The following ODAD4 variants were observed in gnomAD, a reference collection of about 807,000 sequenced individuals.
ODAD4 encodes outer dynein arm docking complex subunit 4, also known as outer dynein arm-docking complex subunit 4.
Under a neutral mutation model 51.8 loss-of-function variants are expected in ODAD4, and 49 were observed. The ratio of observed to expected loss-of-function variants is 0.95; its 90% CI spans 0.75 to 1.20. The LOEUF is 1.20. ODAD4 is among the 50% of genes most tolerant of loss of function. The pLI, the probability that ODAD4 is intolerant of heterozygous loss-of-function variation, is 0.00. For missense variants in ODAD4, 590 were observed against 586.5 expected, an observed-to-expected ratio of 1.01 and a Z score of -0.06; for synonymous variants, 235 against 221.3, an observed-to-expected ratio of 1.06 and a Z score of -0.55.
chr17:41,951,978 G>A (rs77107452), intron 9 of ODAD4, among the ~76,000 whole-genome samples: 14 of 151,618 alleles, frequency 9.2e-5, no homozygotes, highest in South Asian at 4.2e-4. Flanking sequence ...TGGGAGGATC[G>A]GTTGAGCCCA....
At chr17:41,938,025 A>G (rs1280216085) in intron 5 of ODAD4, among the ~76,000 whole-genome samples, 1 of 152,206 alleles carries the variant, frequency 6.6e-6, no homozygotes, top group African/African-American at 2.4e-5. Flanking sequence ...AATGCCTCCT[A>G]TTCTCCAGAG....
At chr17:41,935,786 G>T (rs2050418050) in intron 3 of ODAD4, 37 bp downstream of exon 3, 1 of 1,610,824 alleles carries the variant, frequency 6.2e-7, no homozygotes, top group Non-Finnish European at 8.5e-7. Context: ...TATCCAGGAA[G>T]GTCCTTGGAA....
chr17:41,942,805 G>A (rs981474811), intron 7 of ODAD4, among the ~76,000 whole-genome samples: 1 of 152,190 alleles, frequency 6.6e-6, no homozygotes, highest in African/African-American at 2.4e-5. Flanking sequence ...GCCATGCCTC[G>A]AAACCGGTTC....
intron 8 of ODAD4, among the ~76,000 whole-genome samples, chr17:41,947,825 A>C (rs1211216755): frequency 2.0e-5 from 3 of 150,534 alleles, no homozygotes; most frequent in African/African-American, 7.3e-5. Context: ...ATAAAATAAA[A>C]TAAAAATAAA....
At chr17:41,931,629 C>T (rs537730240) in intron 1 of ODAD4, among the ~76,000 whole-genome samples, 30 of 152,238 alleles carry the variant, frequency 2.0e-4, no homozygotes, top group Non-Finnish European at 4.0e-4. Flanking sequence ...CAACTTCCGC[C>T]TCCCCAGGTT....
rs781816015 is a variant in ODAD4 at position 41,935,353 on chromosome 17, C to A, written c.246+5C>A. On this transcript the variant is annotated splice_donor_5th_base_variant and intron_variant, in intron 2 of 11. Coordinates refer to ENST00000377540, the MANE Select transcript of ODAD4 (RefSeq NM_031421.5). ...AGTGACCCAGCTTTCTGTAAGGTGA[C>A]TGCATGGGCGGGAGGACTGGATCCT... 6.2e-7 allele frequency: 1 copy of A among 1,613,452 alleles called. No individual in the cohort carries two copies. The highest frequency in any genetic ancestry group is 1.1e-5 in the South Asian group (1 of 91,008).
rs782578262 is a variant in ODAD4 at position 41,965,490 on chromosome 17, C to T, written c.*7C>T. The T allele has an allele frequency of 5.2e-5, 40 of 762,122 alleles. No homozygotes were observed. Among genetic ancestry groups the T allele is most frequent in the African/African-American group, 1.7e-5 (1 of 57,860 alleles). The allele number at this position is 762,122 out of a possible 1,614,324, so 47.2% of individuals were successfully genotyped here. ...GGAAAAGGAATATGAATGAAGCCAT[C>T]GGTAGAGATGAGGATCAGGAAGCTG... On this transcript the variant is annotated 3_prime_UTR_variant, in exon 12 of 12. Coordinates refer to ENST00000377540, the MANE Select transcript of ODAD4 (RefSeq NM_031421.5).
At chr17:41,935,487 C>T (rs781885977) in intron 2 of ODAD4, 112 bp from the exon 3 acceptor site, 1 of 1,507,016 alleles carries the variant, frequency 6.6e-7, no homozygotes, top group Non-Finnish European at 8.9e-7. Flanking sequence ...GCCTAAGTCC[C>T]TGCCCCCTGT....
Position 41,955,286 on chromosome 17 carries a change from A to G in ODAD4, c.1412A>G (p.His471Arg), listed in dbSNP as rs144272262. The G allele has an allele frequency of 5.5e-3, 4,273 of 779,858 alleles. 22 individuals carry two copies. The highest frequency in any genetic ancestry group is 8.0e-3 in the Admixed American group (469 of 58,912). 48.3% of individuals were successfully genotyped at this position (779,858 alleles called of 1,614,324 possible). The part of the protein sequence containing the change: ...EKALERAKLV[H>R]NNEAQQAIIS... Reference sequence around the variant, plus strand: ...GCCCTGGAGAGAGCAAAGCTTGTGCATAACAACGAGGCGCAGCAGGCCATC... The same window carrying G: ...GCCCTGGAGAGAGCAAAGCTTGTGCGTAACAACGAGGCGCAGCAGGCCATC... Residue 471 changes from histidine to arginine, a missense_variant, in exon 10 of 12, where the codon CAT becomes CGT. Coordinates refer to ENST00000377540, the MANE Select transcript of ODAD4 (RefSeq NM_031421.5).
rs569716104 is a variant in ODAD4 at position 41,953,412 on chromosome 17, G to T, written c.1343-1805G>T. ...AACACAAGGGCTTATTTTCCCCATG[G>T]GTCTCAAAGCAGTGCTTGGGAGGAG... On this transcript the variant is annotated intron_variant, in intron 9 of 11. Coordinates refer to ENST00000377540, the MANE Select transcript of ODAD4 (RefSeq NM_031421.5). Among the ~76,000 whole-genome samples, 45 of 152,030 alleles carry T rather than the reference G, an allele frequency of 3.0e-4. 1 individual carries two copies. The South Asian group carries it at 9.1e-3, about 31-fold the overall frequency.
At chr17:41,963,162 C>T (rs1016084674) in intron 11 of ODAD4, among the ~76,000 whole-genome samples, 12 of 152,170 alleles carry the variant, frequency 7.9e-5, no homozygotes, top group African/African-American at 2.4e-4. Flanking sequence ...CAGGTGGCAG[C>T]ATTGCATCTG....
chr17:41,955,671 G>A lies in ODAD4; in HGVS notation c.1443+354G>A, dbSNP rs145567014. ...GATCTCCTGACTTTGTGATCCGCCCGCCTTGGCCTCTCAAAATGCTGGGAT... is the reference window on the plus strand; with the variant it reads ...GATCTCCTGACTTTGTGATCCGCCCACCTTGGCCTCTCAAAATGCTGGGAT... On this transcript the variant is annotated intron_variant, in intron 10 of 11. Coordinates refer to ENST00000377540, the MANE Select transcript of ODAD4 (RefSeq NM_031421.5). Among the ~76,000 whole-genome samples the A allele has an allele frequency of 1.6e-3, 247 of 152,188 alleles. 1 individual carries two copies. Among genetic ancestry groups the A allele is most frequent in the Non-Finnish European group, 2.6e-3 (180 of 68,016 alleles).
chr17:41,935,259 C>T lies in ODAD4; in HGVS notation c.157C>T (p.Arg53Cys), dbSNP rs782472920. Residue 53 changes from arginine (R) to cysteine (C), a missense_variant, in exon 2 of 12, where the codon CGC becomes TGC. Arg to Cys is a radical substitution (Grantham distance 180). Coordinates refer to ENST00000377540, the MANE Select transcript of ODAD4 (RefSeq NM_031421.5). ...QDGDKNCLVA[R>C]SKCFLKMGDL... ...TGGAGACAAGAACTGCCTGGTTGCT[C>T]GCTCAAAGTGCTTCCTGAAGATGGG... The T allele has an allele frequency of 1.1e-5, 17 of 1,613,870 alleles. No individual in the cohort carries two copies. The highest frequency in any genetic ancestry group is 1.7e-5 in the Admixed American group (1 of 59,996).
rs1555638321 is a variant in ODAD4, at chr17:41,938,988, G to A, written c.874G>A (p.Gly292Arg). ...DMLLTSGSAE[G>R]SLQKAEKVLK... ...AGTGCTCACAAGTGGCAGTGCTGAA[G>A]GGAGTCTTCAGAAAGCTGAGAAAGT... The change falls in exon 7 of 12, where the codon GGG becomes AGG. Residue 292 changes from glycine (G) to arginine (R), a missense_variant. Around this residue, in one of 3 missense-constraint regions of ODAD4, gnomAD observed 360 missense variants for 407.5 expected, o/e 0.88. Coordinates refer to ENST00000377540, the MANE Select transcript of ODAD4 (RefSeq NM_031421.5). The A allele has an allele frequency of 1.1e-5, 17 of 1,611,336 alleles. No individual in the cohort carries two copies. The highest frequency in any genetic ancestry group is 1.4e-5 in the Non-Finnish European group (16 of 1,178,678).
At chr17:41,936,341 G>T in intron 3 of ODAD4, 132 bp from the exon 4 acceptor site, 1 of 671,008 alleles carries the variant, frequency 1.5e-6, no homozygotes, top group South Asian at 1.7e-5. Context: ...TGCCTGCTAG[G>T]CTGGCTTAGG....
At chr17:41,953,917 T>C (rs1481794636) in intron 9 of ODAD4, among the ~76,000 whole-genome samples, 2 of 151,876 alleles carry the variant, frequency 1.3e-5, no homozygotes, top group Non-Finnish European at 2.9e-5. Flanking sequence ...CCGCCTGCCT[T>C]AGCCTCCCAA....
chr17:41,930,990 T>C (rs900918788), intron 1 of ODAD4, among the ~76,000 whole-genome samples, 153 bp downstream of exon 1: 1 of 140,488 alleles, frequency 7.1e-6, no homozygotes, highest in Non-Finnish European at 1.5e-5. Context: ...GCCTCCCGGG[T>C]TCAAGTGATT....
Position 41,949,301 on chromosome 17 carries a change from G to A in ODAD4, c.1294G>A (p.Asp432Asn). ...CCAGCAGTGTGCCGAGGAGGAAGGGGACATTGAGTGGCAACTGAATGCCAG... is the reference window on the plus strand; with the variant it reads ...CCAGCAGTGTGCCGAGGAGGAAGGGAACATTGAGTGGCAACTGAATGCCAG... The part of the protein sequence containing the change: ...KSQQCAEEEG[D>N]IEWQLNASVL... The change falls in exon 9 of 12, where the codon GAC becomes AAC. Residue 432 changes from aspartate to asparagine, a missense_variant. Around this residue, in one of 3 missense-constraint regions of ODAD4, gnomAD observed 226 missense variants for 162.7 expected, o/e 1.39. Transcript: ENST00000377540. 1 of 398,668 alleles carries A rather than the reference G, an allele frequency of 2.5e-6. No individual in the cohort carries two copies. The highest frequency in any genetic ancestry group is 4.4e-6 in the Non-Finnish European group (1 of 226,136). 24.7% of individuals were successfully genotyped at this position (398,668 alleles called of 1,614,324 possible). A position where few individuals can be genotyped will look rare whatever the true frequency, so the allele number is the denominator to read the frequency against.
At chr17:41,949,614 C>T (rs2050628177) in intron 9 of ODAD4, among the ~76,000 whole-genome samples, 2 of 152,196 alleles carry the variant, frequency 1.3e-5, no homozygotes, top group Admixed American at 6.5e-5. Flanking sequence ...GTGTCATCCT[C>T]ACAACAGTGC....
Sources: allele counts gnomAD v4.1 joint callset (sites outside exome capture counted in the v4.1 genomes callset), GRCh38; gene constraint gnomAD v4.1.1; regional missense constraint gnomAD v4.1.1; transcripts MANE v1.5; gene names NCBI Gene and HGNC (gene_info 2026-07-23, HGNC 2026-07-21).